The following EPHA3 variants were observed in gnomAD, a reference collection of about 807,000 sequenced individuals.
The protein encoded by EPHA3 is ephrin type-A receptor 3.
In EPHA3, 42 loss-of-function variants were observed where a neutral mutation model predicts 107.1. That is an observed-to-expected ratio of 0.39 (90% CI 0.31 to 0.51). The LOEUF (loss-of-function observed/expected upper bound fraction) is 0.51. EPHA3 is among the 20% of genes least tolerant of loss of function. The probability of loss-of-function intolerance (pLI) is 0.78; values close to 1 mark genes in which losing one functional copy is unlikely to be tolerated. For synonymous variants in EPHA3, 461 were observed against 424.8 expected (o/e 1.09, Z -1.05); for missense variants, 1,183 against 1,211.2 (o/e 0.98, Z 0.35).
intron 2 of EPHA3, among the ~76,000 whole-genome samples, chr3:89,152,294 C>T (rs779539478): frequency 6.6e-6 from 1 of 151,956 alleles, no homozygotes; most frequent in Admixed American, 6.6e-5. Flanking sequence ...TAACATAATA[C>T]TCTCAGTTGT....
At chr3:89,179,637 T>C (rs1048344544) in intron 2 of EPHA3, among the ~76,000 whole-genome samples, 2 of 149,642 alleles carry the variant, frequency 1.3e-5, no homozygotes, top group Admixed American at 6.8e-5. Context: ...AAGTGTTATG[T>C]TCAAATGTTG....
chr3:89,255,637 A>T (rs1234069417), intron 3 of EPHA3, among the ~76,000 whole-genome samples: 5 of 152,074 alleles, frequency 3.3e-5, no homozygotes, highest in Non-Finnish European at 7.4e-5. Context: ...GAGGTGGCTC[A>T]TGCCTGTAAT....
chr3:89,222,010 A>C (rs1704389090), intron 3 of EPHA3, among the ~76,000 whole-genome samples: 1 of 152,122 alleles, frequency 6.6e-6, no homozygotes, highest in African/African-American at 2.4e-5. Context: ...GTAAGCCTCT[A>C]ACACGCAAAT....
chr3:89,235,867 T>A (rs143693398), intron 3 of EPHA3, among the ~76,000 whole-genome samples: 1 of 151,806 alleles, frequency 6.6e-6, no homozygotes, highest in East Asian at 1.9e-4. Context: ...ATTGAAAATA[T>A]ATAAAGAATT....
Position 89,246,983 on chromosome 3 carries a change from G to A in EPHA3, c.814+36463G>A, listed in dbSNP as rs1269758338. On this transcript the variant is annotated intron_variant, in intron 3 of 16. Coordinates refer to ENST00000336596, the MANE Select transcript of EPHA3 (RefSeq NM_005233.6). ...AATGTTAGCATATAGCATGTAGCAT[G>A]TAGTGCCTGTGGTCTTTACTGACTC... 2.0e-5 allele frequency among the ~76,000 whole-genome samples: 3 copies of A among 152,144 alleles called. No individual in the cohort carries two copies. In the East Asian group the frequency reaches 5.8e-4, roughly 29 times the overall value.
intron 11 of EPHA3, 41 bp from the exon 12 acceptor site, chr3:89,429,065 G>A (rs1357801675): frequency 1.4e-6 from 2 of 1,379,530 alleles, no homozygotes; most frequent in East Asian, 4.6e-5. Context: ...TATAATACTT[G>A]AACTGTACTG....
chr3:89,467,973 C>A (rs763362576), intron 15 of EPHA3, among the ~76,000 whole-genome samples: 21 of 152,260 alleles, frequency 1.4e-4, no homozygotes, highest in South Asian at 1.0e-3. Flanking sequence ...ATCACCCAGC[C>A]TATAAATTTC....
At chr3:89,454,867 G>C (rs1244203772) in intron 15 of EPHA3, among the ~76,000 whole-genome samples, 1 of 151,954 alleles carries the variant, frequency 6.6e-6, no homozygotes, top group Non-Finnish European at 1.5e-5. Flanking sequence ...GGTGGTGTTT[G>C]CCAGTGGTCC....
At chr3:89,331,494 T>A (rs543960435) in intron 3 of EPHA3, among the ~76,000 whole-genome samples, 4 of 152,302 alleles carry the variant, frequency 2.6e-5, no homozygotes, top group South Asian at 4.1e-4. Flanking sequence ...CTAATTTAGG[T>A]CATCACACTT....
intron 3 of EPHA3, among the ~76,000 whole-genome samples, chr3:89,224,501 G>A (rs1298407620): frequency 6.6e-6 from 1 of 152,126 alleles, no homozygotes; most frequent in Admixed American, 6.6e-5. Flanking sequence ...GAAGAAGGAA[G>A]ATGGTTAGAA....
intron 15 of EPHA3, 127 bp downstream of exon 15, chr3:89,450,497 G>C: frequency 2.5e-6 from 2 of 788,572 alleles, no homozygotes; most frequent in Non-Finnish European, 3.9e-6. Context: ...ATATTAGAGA[G>C]ATGTATTTCC....
intron 2 of EPHA3, among the ~76,000 whole-genome samples, chr3:89,150,448 G>A (rs549308109): frequency 4.5e-4 from 68 of 152,046 alleles, no homozygotes; most frequent in Non-Finnish European, 7.1e-4. Flanking sequence ...AATTTAAAAG[G>A]CTAAAACAGA....
intron 2 of EPHA3, among the ~76,000 whole-genome samples, chr3:89,189,856 C>A (rs1705662979): frequency 6.6e-6 from 1 of 152,232 alleles, no homozygotes; most frequent in East Asian, 1.9e-4. Context: ...TTATGATCTG[C>A]AATTTATTAT....
intron 16 of EPHA3, among the ~76,000 whole-genome samples, chr3:89,475,216 C>T (rs987625395): frequency 1.3e-5 from 2 of 152,256 alleles, no homozygotes; most frequent in Non-Finnish European, 2.9e-5. Context: ...AGCATAAATG[C>T]TGTAAAATAT....
chr3:89,288,835 C>A (rs1706148925), intron 3 of EPHA3, among the ~76,000 whole-genome samples: 1 of 152,112 alleles, frequency 6.6e-6, no homozygotes, highest in Non-Finnish European at 1.5e-5. Flanking sequence ...AAATAGAAAG[C>A]ATGTTTATTT....
At chr3:89,288,232 A>G (rs1706135204) in intron 3 of EPHA3, among the ~76,000 whole-genome samples, 1 of 152,136 alleles carries the variant, frequency 6.6e-6, no homozygotes, top group South Asian at 2.1e-4. Context: ...GCTAGAGTAC[A>G]TATGAATTTT....
chr3:89,273,313 C>G (rs1168454575), intron 3 of EPHA3, among the ~76,000 whole-genome samples: 1 of 151,834 alleles, frequency 6.6e-6, no homozygotes, highest in Non-Finnish European at 1.5e-5. Context: ...GAATGTAAGT[C>G]ATTGTTATTT....
rs573631383 is a variant in EPHA3 at position 89,455,300 on chromosome 3, G to A, written c.2690+4930G>A. 1.4e-4 allele frequency among the ~76,000 whole-genome samples: 21 copies of A among 152,262 alleles called. No individual in the cohort carries two copies. In the South Asian group the frequency reaches 4.4e-3, roughly 32 times the overall value. On this transcript the variant is annotated intron_variant, in intron 15 of 16. Transcript: ENST00000336596. The stretch of plus-strand genomic sequence containing the variant: ...AGACCTGCAGGAAGGGAATGAGCCA[G>A]CTGTGTAACCTCCTCCTCACCAAAA...
chr3:89,449,195 A>G (rs1385588619), intron 13 of EPHA3, 30 bp from the exon 14 acceptor site: 1 of 1,583,744 alleles, frequency 6.3e-7, no homozygotes, highest in Non-Finnish European at 8.6e-7. Context: ...TGCATTGCTG[A>G]TTTATGTAGA....
Sources: allele counts gnomAD v4.1 joint callset (sites outside exome capture counted in the v4.1 genomes callset), GRCh38; gene constraint gnomAD v4.1.1; transcripts MANE v1.5; gene names NCBI Gene and HGNC (gene_info 2026-07-23, HGNC 2026-07-21).